PTPRK: variants seen among roughly 807,000 people sequenced by gnomAD.
PTPRK encodes the protein receptor-type tyrosine-protein phosphatase kappa.
PTPRK carries 75 observed loss-of-function variants against 178.0 expected under a neutral mutation model. That is an observed-to-expected ratio of 0.42 (90% CI 0.35 to 0.51). The LOEUF (loss-of-function observed/expected upper bound fraction) is 0.51. PTPRK is among the 20% of genes least tolerant of loss of function. The pLI is 0.02. For missense variants in PTPRK, 1,441 were observed against 1,797.8 expected (o/e 0.80, Z 3.59); for synonymous variants, 637 against 620.6 (o/e 1.03, Z -0.39).
chr6:128,489,395 G>A (rs1853438655), intron 1 of PTPRK, among the ~76,000 whole-genome samples: 1 of 152,082 alleles, frequency 6.6e-6, no homozygotes, highest in South Asian at 2.1e-4. Flanking sequence ...TCTTATCCTG[G>A]TAAGAGTCCT....
At chr6:128,224,179 A>T (rs1810886173) in intron 5 of PTPRK, among the ~76,000 whole-genome samples, 1 of 152,182 alleles carries the variant, frequency 6.6e-6, no homozygotes, top group African/African-American at 2.4e-5. Context: ...ATATGATCCA[A>T]GGGATTATAA....
chr6:128,447,865 G>A (rs940618960), intron 1 of PTPRK, among the ~76,000 whole-genome samples: 14 of 151,984 alleles, frequency 9.2e-5, no homozygotes, highest in South Asian at 2.1e-4. Context: ...CTTGTGATCC[G>A]CCTGCCTTGA....
chr6:128,078,755 A>G (rs142629654), intron 11 of PTPRK, 58 bp downstream of exon 11: 10 of 1,275,382 alleles, frequency 7.8e-6, no homozygotes, highest in Non-Finnish European at 1.1e-5. Context: ...ATACTTGGGC[A>G]TCTTGGGATG....
intron 7 of PTPRK, among the ~76,000 whole-genome samples, chr6:128,181,207 G>C (rs1444344169): frequency 6.6e-6 from 1 of 151,748 alleles, no homozygotes; most frequent in Non-Finnish European, 1.5e-5. Context: ...TTGACTTGCT[G>C]GAAAATTATT....
chr6:128,270,305 G>A (rs776528124), intron 3 of PTPRK, among the ~76,000 whole-genome samples: 15 of 152,076 alleles, frequency 9.9e-5, no homozygotes, highest in Middle Eastern at 3.2e-3. Context: ...TTCCTACTGA[G>A]GAAACCTTAG....
At chr6:128,280,011 G>T (rs1337608253) in intron 3 of PTPRK, among the ~76,000 whole-genome samples, 1 of 152,120 alleles carries the variant, frequency 6.6e-6, no homozygotes, top group East Asian at 1.9e-4. Context: ...TGTGTTAAGG[G>T]TTTTTGATGT....
chr6:128,024,858 T>C (rs1219213843), intron 13 of PTPRK, among the ~76,000 whole-genome samples: 1 of 152,162 alleles, frequency 6.6e-6, no homozygotes, highest in Non-Finnish European at 1.5e-5. Flanking sequence ...TTGTAATCAC[T>C]GATAATTGCT....
intron 1 of PTPRK, among the ~76,000 whole-genome samples, chr6:128,428,344 C>T (rs1374199787): frequency 6.6e-6 from 1 of 152,142 alleles, no homozygotes; most frequent in African/African-American, 2.4e-5. Flanking sequence ...TAAAGATGCA[C>T]ATCATTAGTA....
chr6:128,018,787 A>C (rs1446565164), intron 13 of PTPRK, among the ~76,000 whole-genome samples: 1 of 152,116 alleles, frequency 6.6e-6, no homozygotes, highest in Non-Finnish European at 1.5e-5. Context: ...TTATAGCATC[A>C]CAGAAGCAGC....
intron 7 of PTPRK, among the ~76,000 whole-genome samples, chr6:128,183,840 T>C (rs541251871): frequency 6.6e-6 from 1 of 152,292 alleles, no homozygotes; most frequent in African/African-American, 2.4e-5. Context: ...TTATTTTCAC[T>C]ACTCAGTTTT....
chr6:128,443,367 G>T (rs959305437), intron 1 of PTPRK, among the ~76,000 whole-genome samples: 1 of 151,958 alleles, frequency 6.6e-6, no homozygotes, highest in African/African-American at 2.4e-5. Flanking sequence ...AAAAGTAGGA[G>T]GGAATAAGGG....
At chr6:128,511,273 C>T (rs1857146484) in intron 1 of PTPRK, among the ~76,000 whole-genome samples, 1 of 152,194 alleles carries the variant, frequency 6.6e-6, no homozygotes, top group South Asian at 2.1e-4. Context: ...AGAGAACAAT[C>T]TGATCCTACT....
At chr6:128,035,046 G>T (rs116729882) in intron 13 of PTPRK, among the ~76,000 whole-genome samples, 2,924 of 152,196 alleles carry the variant, frequency 0.019, 97 homozygotes, top group African/African-American at 0.065. Context: ...TATTTAAAAT[G>T]TCTTTTTATT....
chr6:128,464,658 T>C (rs190570555), intron 1 of PTPRK, among the ~76,000 whole-genome samples: 9,618 of 116,620 alleles, frequency 0.082, 1,217 homozygotes, highest in African/African-American at 0.22. Flanking sequence ...TATATATATA[T>C]ATATATATAT....
intron 7 of PTPRK, among the ~76,000 whole-genome samples, chr6:128,117,530 T>A (rs1446639072): frequency 6.6e-6 from 1 of 152,234 alleles, no homozygotes; most frequent in South Asian, 2.1e-4. Flanking sequence ...CATTTTATAA[T>A]CTGCTGTATT....
At chr6:128,083,665 T>C in intron 9 of PTPRK, 50 bp downstream of exon 9, 1 of 1,136,222 alleles carries the variant, frequency 8.8e-7, no homozygotes, top group Non-Finnish European at 1.3e-6. Context: ...TTCTTCTTCC[T>C]TTTAGTCCTT....
chr6:128,269,772 A>C (rs1055707927), intron 3 of PTPRK, among the ~76,000 whole-genome samples: 1 of 152,110 alleles, frequency 6.6e-6, no homozygotes, highest in Non-Finnish European at 1.5e-5. Flanking sequence ...ATATGAAAAA[A>C]AGGAGGAGAG....
At chr6:128,034,641 C>G (rs1775908073) in intron 13 of PTPRK, among the ~76,000 whole-genome samples, 1 of 152,058 alleles carries the variant, frequency 6.6e-6, no homozygotes, top group Non-Finnish European at 1.5e-5. Context: ...AAAAATAAGA[C>G]TGTTAAAGTT....
At chr6:128,298,366 G>C (rs57456285) in intron 3 of PTPRK, among the ~76,000 whole-genome samples, 10 of 150,684 alleles carry the variant, frequency 6.6e-5, no homozygotes, top group African/African-American at 1.0e-4. Context: ...GGAATCCTCT[G>C]TAGCTCATTT....
Sources: gnomAD v4.1 joint callset for allele counts (sites outside exome capture counted in the v4.1 genomes callset) on GRCh38, gnomAD v4.1.1 for gene constraint, MANE v1.5 for transcripts, NCBI Gene and HGNC (gene_info 2026-07-23, HGNC 2026-07-21) for gene names.